Variants in PLCH1 observed in about 807,000 individuals in gnomAD.
The protein encoded by PLCH1 is phospholipase C eta 1.
PLCH1 carries 60 observed loss-of-function variants against 126.7 expected under a neutral mutation model. The ratio of observed to expected loss-of-function variants is 0.47; its 90% confidence interval spans 0.38 to 0.59. PLCH1 has a LOEUF of 0.59. Ranked by LOEUF, PLCH1 falls within the 20% of genes least tolerant of loss-of-function variation. The pLI is 0.00. For missense variants in PLCH1, 1,723 were observed against 2,040.0 expected (o/e 0.84, Z 2.99); for synonymous variants, 719 against 734.9 (o/e 0.98, Z 0.35).
At chr3:155,681,850 T>C (rs1744565730) in intron 2 of PLCH1, among the ~76,000 whole-genome samples, 2 of 152,112 alleles carry the variant, frequency 1.3e-5, no homozygotes, top group Admixed American at 1.3e-4. Flanking sequence ...TTCCTTTCCA[T>C]AAAATAGGGG....
At chr3:155,585,254 C>A (rs549837977) in intron 5 of PLCH1, among the ~76,000 whole-genome samples, 208 of 152,274 alleles carry the variant, frequency 1.4e-3, no homozygotes, top group African/African-American at 4.9e-3. Flanking sequence ...TCTGCTCTTA[C>A]CACCTCTAAG....
chr3:155,657,209 T>A (rs1559904172), intron 2 of PLCH1, among the ~76,000 whole-genome samples: 1 of 152,142 alleles, frequency 6.6e-6, no homozygotes, highest in Non-Finnish European at 1.5e-5. Context: ...TTTTCAAGGC[T>A]TTGGAGTCAA....
intron 10 of PLCH1, among the ~76,000 whole-genome samples, chr3:155,529,489 G>A (rs1033723214): frequency 2.0e-5 from 3 of 151,812 alleles, no homozygotes; most frequent in Non-Finnish European, 2.9e-5. Context: ...TCACAATAAA[G>A]AGAGGCACAC....
chr3:155,699,849 C>CA (rs1553760147), intron 2 of PLCH1, among the ~76,000 whole-genome samples: 3 of 145,512 alleles, frequency 2.1e-5, no homozygotes, highest in Admixed American at 1.4e-4. Context: ...CACACACACA[C>CA]CACTACCTCT....
intron 6 of PLCH1, among the ~76,000 whole-genome samples, chr3:155,569,437 A>G (rs1032138716): frequency 2.6e-4 from 39 of 152,256 alleles, no homozygotes; most frequent in African/African-American, 8.9e-4. Flanking sequence ...TGTCAGTTCA[A>G]AAGAACACAC....
Position 155,483,170 on chromosome 3 carries a change from T to A in PLCH1, c.2975-119A>T, listed in dbSNP as rs1714461991. 5.8e-6 allele frequency: 6 copies of A among 1,031,212 alleles called. No homozygotes were observed. In the South Asian group the frequency reaches 9.2e-5, roughly 16 times the overall value. 63.9% of individuals were successfully genotyped at this position (1,031,212 alleles called of 1,614,324 possible). On this transcript the variant is annotated intron_variant, in intron 22 of 22. Transcript: ENST00000460012. ...GTAAATCTGTTACACTGTGACAGAA[T>A]ATAATTATGGATTGCATAGGTTTGC...
chr3:155,575,458 C>T (rs1374553313), intron 6 of PLCH1, among the ~76,000 whole-genome samples: 1 of 152,080 alleles, frequency 6.6e-6, no homozygotes, highest in Non-Finnish European at 1.5e-5. Flanking sequence ...ATTTTCAGAG[C>T]TACTACACGG....
intron 2 of PLCH1, among the ~76,000 whole-genome samples, chr3:155,649,985 A>AG: frequency 6.6e-6 from 1 of 152,066 alleles, no homozygotes; most frequent in East Asian, 1.9e-4. Context: ...CTCAAAAAAA[A>AG]AAGAAGTAGA....
chr3:155,739,811 A>C (rs1200026644), intron 1 of PLCH1, among the ~76,000 whole-genome samples: 1 of 152,220 alleles, frequency 6.6e-6, no homozygotes. Flanking sequence ...CATCAGTAAC[A>C]TAGGATAAGA....
intron 1 of PLCH1, among the ~76,000 whole-genome samples, chr3:155,711,367 A>T (rs1747115376): frequency 6.6e-6 from 1 of 152,198 alleles, no homozygotes; most frequent in African/African-American, 2.4e-5. Context: ...AATTGTCAAT[A>T]CCAAACAAGT....
At chr3:155,612,756 A>G (rs1232536139) in intron 2 of PLCH1, among the ~76,000 whole-genome samples, 1 of 151,846 alleles carries the variant, frequency 6.6e-6, no homozygotes, top group Non-Finnish European at 1.5e-5. Context: ...TAAAAATACA[A>G]AATTAGCCGG....
At chr3:155,740,439 T>C (rs551679981) in intron 1 of PLCH1, among the ~76,000 whole-genome samples, 8 of 149,590 alleles carry the variant, frequency 5.3e-5, no homozygotes, top group Admixed American at 2.7e-4. Flanking sequence ...AAGAAGAAGG[T>C]AACCACTGTT....
chr3:155,741,821 CA>C, intron 1 of PLCH1, among the ~76,000 whole-genome samples: 1 of 150,814 alleles, frequency 6.6e-6, no homozygotes, highest in East Asian at 2.0e-4. Context: ...ATTACTGAAT[CA>C]CTCACCTTAT....
At chr3:155,496,699 T>C (rs1282465342) in intron 15 of PLCH1, among the ~76,000 whole-genome samples, 1 of 152,092 alleles carries the variant, frequency 6.6e-6, no homozygotes, top group Non-Finnish European at 1.5e-5. Flanking sequence ...ATTCAGTAAC[T>C]AAATGAAATA....
intron 2 of PLCH1, among the ~76,000 whole-genome samples, chr3:155,601,699 T>C (rs1733754684): frequency 6.6e-6 from 1 of 152,182 alleles, no homozygotes; most frequent in African/African-American, 2.4e-5. Flanking sequence ...TGCTGATTTT[T>C]TTTTACAGTT....
At chr3:155,686,312 A>G (rs1744933816) in intron 2 of PLCH1, among the ~76,000 whole-genome samples, 1 of 152,208 alleles carries the variant, frequency 6.6e-6, no homozygotes, top group Non-Finnish European at 1.5e-5. Context: ...TAGTTTGTCA[A>G]CTGTAGATCC....
chr3:155,639,200 G>A (rs9828965), intron 2 of PLCH1, among the ~76,000 whole-genome samples: 2 of 151,964 alleles, frequency 1.3e-5, no homozygotes, highest in Non-Finnish European at 2.9e-5. Context: ...TGCTCACACC[G>A]GTAATGTCAG....
chr3:155,488,280 C>T (rs895668339), intron 20 of PLCH1, among the ~76,000 whole-genome samples, 173 bp from the exon 21 acceptor site: 1 of 152,010 alleles, frequency 6.6e-6, no homozygotes, highest in African/African-American at 2.4e-5. Context: ...TCACTGCAAA[C>T]CCCGCCTCCT....
intron 2 of PLCH1, among the ~76,000 whole-genome samples, chr3:155,687,704 A>G (rs1025532380): frequency 5.9e-5 from 9 of 152,194 alleles, no homozygotes; most frequent in Non-Finnish European, 1.0e-4. Flanking sequence ...ACAGGCTGCA[A>G]GTTGACATAC....
Sources: gnomAD v4.1 joint callset for allele counts (sites outside exome capture counted in the v4.1 genomes callset) on GRCh38, gnomAD v4.1.1 for gene constraint, MANE v1.5 for transcripts, NCBI Gene and HGNC (gene_info 2026-07-23, HGNC 2026-07-21) for gene names.